DAB1: variants seen among roughly 807,000 people sequenced by gnomAD.
DAB1 encodes DAB adaptor protein 1, also known as disabled homolog 1.
Under a neutral mutation model 64.6 loss-of-function variants are expected in DAB1, and 15 were observed. That is an observed-to-expected ratio of 0.23 (90% CI 0.16 to 0.36). DAB1 has a LOEUF of 0.36. DAB1 is among the 10% of genes least tolerant of loss of function. The probability of loss-of-function intolerance (pLI) is 1.00; values close to 1 mark genes in which losing one functional copy is unlikely to be tolerated. For missense variants in DAB1, 596 were observed against 706.7 expected, an observed-to-expected ratio of 0.84 and a Z score of 1.78; for synonymous variants, 235 against 251.9, an observed-to-expected ratio of 0.93 and a Z score of 0.64.
chr1:58,130,875 C>T (rs1653508469), intron 5 of DAB1, among the ~76,000 whole-genome samples: 1 of 152,062 alleles, frequency 6.6e-6, no homozygotes, highest in African/African-American at 2.4e-5. Context: ...ACCTTTCTCT[C>T]TGGCTGCCCT....
intron 4 of DAB1, among the ~76,000 whole-genome samples, chr1:58,312,473 C>G (rs1162643351): frequency 6.6e-6 from 1 of 152,162 alleles, no homozygotes; most frequent in Non-Finnish European, 1.5e-5. Context: ...TTAGGAAGAA[C>G]TGAGCTTAAG....
At chr1:58,275,255 C>T (rs1245533616) in intron 4 of DAB1, among the ~76,000 whole-genome samples, 2 of 152,104 alleles carry the variant, frequency 1.3e-5, no homozygotes, top group East Asian at 1.9e-4. Flanking sequence ...AGAAGAGCTT[C>T]GTGACATTAA....
At chr1:57,091,639 C>T (rs1441543027) in intron 4 of DAB1, among the ~76,000 whole-genome samples, 1 of 152,172 alleles carries the variant, frequency 6.6e-6, no homozygotes, top group Admixed American at 6.5e-5. Context: ...AACATGGACA[C>T]TGGAACCAGA....
intron 5 of DAB1, among the ~76,000 whole-genome samples, chr1:58,120,426 A>G (rs533566023): frequency 4.0e-4 from 61 of 152,282 alleles, no homozygotes; most frequent in Non-Finnish European, 7.9e-4. Flanking sequence ...CCTGGATTCT[A>G]TTCTCAGTTA....
At chr1:58,426,673 G>C (rs565451321) in intron 3 of DAB1, among the ~76,000 whole-genome samples, 1 of 152,326 alleles carries the variant, frequency 6.6e-6, no homozygotes, top group Non-Finnish European at 1.5e-5. Context: ...TTCTACCAGA[G>C]AGAGACAGAG....
intron 7 of DAB1, among the ~76,000 whole-genome samples, chr1:57,461,410 T>C (rs1686774837): frequency 6.6e-6 from 1 of 152,160 alleles, no homozygotes; most frequent in African/African-American, 2.4e-5. Flanking sequence ...AATATGTAGT[T>C]CTAGAAACTG....
intron 7 of DAB1, among the ~76,000 whole-genome samples, chr1:57,469,186 A>G (rs1437332674): frequency 6.6e-6 from 1 of 152,242 alleles, no homozygotes; most frequent in Non-Finnish European, 1.5e-5. Flanking sequence ...GTGAGCATGT[A>G]TCTGTTTCCT....
chr1:58,032,387 A>G (rs1357392466), intron 5 of DAB1, among the ~76,000 whole-genome samples: 1 of 152,216 alleles, frequency 6.6e-6, no homozygotes, highest in Non-Finnish European at 1.5e-5. Flanking sequence ...AGCTATCTCA[A>G]AAGCTGTTGC....
chr1:58,143,751 T>C (rs955406999), intron 5 of DAB1, among the ~76,000 whole-genome samples: 5 of 152,246 alleles, frequency 3.3e-5, no homozygotes, highest in African/African-American at 1.2e-4. Flanking sequence ...AATAACAGCA[T>C]GGCAAAGGGT....
chr1:57,624,895 G>A lies in DAB1; in HGVS notation n.625+24697C>T, dbSNP rs574170699. Among the ~76,000 whole-genome samples, 7 of 152,252 alleles carry A rather than the reference G, an allele frequency of 4.6e-5. No individual in the cohort carries two copies. The South Asian group carries it at 1.5e-3, about 32-fold the overall frequency. ...TCTAATGAATTGCCAATTTTGTAAGGTTAAATACATAGTCTATAGCGTTTT... is the reference window on the plus strand; with the variant it reads ...TCTAATGAATTGCCAATTTTGTAAGATTAAATACATAGTCTATAGCGTTTT... On this transcript the variant is annotated intron_variant and non_coding_transcript_variant, in intron 7 of 20. Coordinates refer to the DAB1 transcript ENST00000485760.
intron 2 of DAB1, among the ~76,000 whole-genome samples, chr1:57,159,395 G>A (rs1351839313): frequency 6.6e-6 from 1 of 152,130 alleles, no homozygotes; most frequent in Non-Finnish European, 1.5e-5. Context: ...AATCAGTTAA[G>A]GGCATGCTTA....
At chr1:58,341,698 T>C (rs1016659980) in intron 4 of DAB1, among the ~76,000 whole-genome samples, 1 of 152,158 alleles carries the variant, frequency 6.6e-6, no homozygotes, top group Non-Finnish European at 1.5e-5. Context: ...GCAGCTTCTA[T>C]TACCTACTAA....
chr1:57,188,427 T>A (rs1020126284), intron 2 of DAB1, among the ~76,000 whole-genome samples: 4 of 152,154 alleles, frequency 2.6e-5, no homozygotes, highest in African/African-American at 9.7e-5. Context: ...AGGAATAAAG[T>A]ATCCTGAGAA....
At chr1:57,900,180 C>G (rs1644452964) in intron 5 of DAB1, among the ~76,000 whole-genome samples, 1 of 152,074 alleles carries the variant, frequency 6.6e-6, no homozygotes, top group Admixed American at 6.6e-5. Flanking sequence ...AGGATAAACA[C>G]TGCAAGTGCT....
At chr1:58,368,934 T>C (rs999917328) in intron 3 of DAB1, among the ~76,000 whole-genome samples, 3 of 152,098 alleles carry the variant, frequency 2.0e-5, no homozygotes, top group Admixed American at 6.5e-5. Flanking sequence ...GGCTGAAGGA[T>C]AGCTTAAGCC....
In DAB1 at chr1:57,092,749, G is replaced by A. The variant is rs1046884494; in HGVS notation, c.307-20335C>T. Among the ~76,000 whole-genome samples the A allele has an allele frequency of 5.9e-5, 9 of 151,984 alleles. No individual in the cohort carries two copies. The South Asian group carries it at 1.5e-3, about 25-fold the overall frequency. The stretch of plus-strand genomic sequence containing the variant: ...CCTGAGAGGGGAAGTGCAGGGTGAC[G>A]GGGGAAGCCATGGGAGAAGTCTCTG... On this transcript the variant is annotated intron_variant, in intron 4 of 14. Transcript: ENST00000371236.
At chr1:58,218,608 C>A (rs1275772086) in intron 4 of DAB1, among the ~76,000 whole-genome samples, 1 of 152,102 alleles carries the variant, frequency 6.6e-6, no homozygotes, top group African/African-American at 2.4e-5. Context: ...CTGCTGGTCT[C>A]TCTGTCCTTG....
intron 5 of DAB1, among the ~76,000 whole-genome samples, chr1:57,889,704 A>G (rs1197915761): frequency 6.6e-6 from 1 of 152,098 alleles, no homozygotes; most frequent in Non-Finnish European, 1.5e-5. Context: ...CCCGGTGAGT[A>G]TGAGGCACTC....
intron 3 of DAB1, among the ~76,000 whole-genome samples, chr1:58,477,981 T>C (rs1435733227): frequency 6.6e-6 from 1 of 152,118 alleles, no homozygotes; most frequent in East Asian, 1.9e-4. Flanking sequence ...CTACCATAAA[T>C]AGGGTCACTG....
Sources: allele counts gnomAD v4.1 joint callset (sites outside exome capture counted in the v4.1 genomes callset), GRCh38; gene constraint gnomAD v4.1.1; transcripts MANE v1.5; gene names NCBI Gene and HGNC (gene_info 2026-07-23, HGNC 2026-07-21).